Variants in TBC1D14 observed in about 807,000 individuals in gnomAD.
TBC1D14 encodes the protein TBC1 domain family, member 14.
Under a neutral mutation model 79.0 loss-of-function variants are expected in TBC1D14, and 26 were observed. The ratio of observed to expected loss-of-function variants is 0.33; its 90% CI spans 0.24 to 0.46. The LOEUF (loss-of-function observed/expected upper bound fraction) is 0.46, where lower values mean the gene tolerates loss of function less well. Among genes scored for constraint, TBC1D14 ranks in the 20% least tolerant of loss-of-function variants. TBC1D14 has a pLI of 1.00. For synonymous variants in TBC1D14, 394 were observed against 349.9 expected (o/e 1.13, Z -1.40); for missense variants, 769 against 887.6 (o/e 0.87, Z 1.70).
intron 2 of TBC1D14, among the ~76,000 whole-genome samples, chr4:6,945,362 A>G (rs906422990): frequency 3.9e-5 from 6 of 152,032 alleles, no homozygotes; most frequent in Non-Finnish European, 1.5e-5. Flanking sequence ...TTCTTGAGTG[A>G]GTAGAAATGT....
intron 3 of TBC1D14, among the ~76,000 whole-genome samples, chr4:6,972,357 A>C (rs1265561686): frequency 1.3e-5 from 2 of 152,230 alleles, no homozygotes; most frequent in South Asian, 2.1e-4. Flanking sequence ...AGTGACTGTC[A>C]GCCGCCGGCC....
intron 3 of TBC1D14, among the ~76,000 whole-genome samples, chr4:6,968,067 C>G (rs1487402355): frequency 1.3e-5 from 2 of 152,214 alleles, no homozygotes; most frequent in African/African-American, 2.4e-5. Context: ...TTCTCTTAGG[C>G]TGTGGGTCTC....
At chr4:7,020,997 G>A (rs1721773425) in intron 12 of TBC1D14, among the ~76,000 whole-genome samples, 1 of 152,228 alleles carries the variant, frequency 6.6e-6, no homozygotes, top group South Asian at 2.1e-4. Flanking sequence ...TCTGTTGTGT[G>A]CAGCCCGGGG....
At chr4:6,942,386 TA>T (rs998635810) in intron 2 of TBC1D14, among the ~76,000 whole-genome samples, 12 of 152,196 alleles carry the variant, frequency 7.9e-5, no homozygotes, top group African/African-American at 2.7e-4. Flanking sequence ...TTGTTGTGAA[TA>T]GCTGTGGTTT....
chr4:7,014,304 C>T, intron 11 of TBC1D14, 144 bp from the exon 12 acceptor site: 1 of 589,080 alleles, frequency 1.7e-6, no homozygotes. Flanking sequence ...TGAATAGTAC[C>T]TACAATAAGT....
chr4:7,018,913 T>C (rs1721539444), intron 12 of TBC1D14, among the ~76,000 whole-genome samples: 1 of 152,232 alleles, frequency 6.6e-6, no homozygotes, highest in African/African-American at 2.4e-5. Context: ...ATAAATAATC[T>C]TGAGCTAACA....
intron 2 of TBC1D14, among the ~76,000 whole-genome samples, chr4:6,955,684 G>A (rs980139730): frequency 6.6e-6 from 1 of 152,028 alleles, no homozygotes; most frequent in Non-Finnish European, 1.5e-5. Context: ...GCAAACAGGC[G>A]TTGAAGTGTA....
intron 11 of TBC1D14, among the ~76,000 whole-genome samples, chr4:7,011,325 G>T (rs1372661688): frequency 7.1e-6 from 1 of 141,328 alleles, no homozygotes; most frequent in East Asian, 2.2e-4. Flanking sequence ...GGCGGTGACA[G>T]TGGGGGGTGG....
chr4:6,929,682 A>C (rs1364070486), intron 2 of TBC1D14, among the ~76,000 whole-genome samples: 3 of 152,208 alleles, frequency 2.0e-5, no homozygotes, highest in Non-Finnish European at 4.4e-5. Flanking sequence ...GACGACATTT[A>C]GTCTCAAGAC....
At chr4:7,027,231 G>C (rs1024406064) in intron 13 of TBC1D14, among the ~76,000 whole-genome samples, 1 of 151,538 alleles carries the variant, frequency 6.6e-6, no homozygotes, top group African/African-American at 2.4e-5. Flanking sequence ...CAAAAAAGCA[G>C]GTCATTTGTC....
At chr4:6,989,704 C>G (rs1386785359) in intron 3 of TBC1D14, among the ~76,000 whole-genome samples, 2 of 152,172 alleles carry the variant, frequency 1.3e-5, no homozygotes, top group African/African-American at 4.8e-5. Flanking sequence ...TTAGTTTCCT[C>G]TTTTCCACAT....
At chr4:6,989,427 A>G (rs1718255786) in intron 3 of TBC1D14, among the ~76,000 whole-genome samples, 1 of 152,190 alleles carries the variant, frequency 6.6e-6, no homozygotes, top group African/African-American at 2.4e-5. Flanking sequence ...TTCTGCTGTC[A>G]GAGTGCCTCT....
rs565280145 is a variant in TBC1D14, at chr4:7,010,968, C to T, written c.1647+187C>T. Among the ~76,000 whole-genome samples the T allele has an allele frequency of 3.9e-5, 6 of 152,278 alleles. 1 individual carries two copies. The highest frequency in any genetic ancestry group is 4.2e-4 in the South Asian group (2 of 4,818). Reference sequence around the variant, plus strand: ...TATTGCATGGAAGCTGAAAAAGACACGGTTAGTAGCCGTATGTCTGGGTTT... The same window carrying T: ...TATTGCATGGAAGCTGAAAAAGACATGGTTAGTAGCCGTATGTCTGGGTTT... On this transcript the variant is annotated intron_variant, in intron 11 of 13. Transcript: ENST00000409757.
chr4:6,914,891 T>G (rs1179690534), intron 1 of TBC1D14, among the ~76,000 whole-genome samples: 2 of 152,124 alleles, frequency 1.3e-5, no homozygotes, highest in East Asian at 3.9e-4. Flanking sequence ...ATACAAAAAT[T>G]AGCCGGGCGT....
Position 7,010,648 on chromosome 4 carries a change from C to T in TBC1D14, c.1519-5C>T. 1 of 1,611,094 alleles carries T rather than the reference C, an allele frequency of 6.2e-7. No individual in the cohort carries two copies. The highest frequency in any genetic ancestry group is 8.5e-7 in the Non-Finnish European group (1 of 1,178,982). On this transcript the variant is annotated splice_region_variant and splice_polypyrimidine_tract_variant and intron_variant, in intron 10 of 13. Transcript: ENST00000409757. ...ATTTTAACGTGCCTTTCTCTCCTCTCTCAGGTCCAGGGCATGTCCTTCATA... is the reference window on the plus strand; with the variant it reads ...ATTTTAACGTGCCTTTCTCTCCTCTTTCAGGTCCAGGGCATGTCCTTCATA...
At chr4:6,943,002 A>C (rs1713054925) in intron 2 of TBC1D14, among the ~76,000 whole-genome samples, 1 of 152,234 alleles carries the variant, frequency 6.6e-6, no homozygotes, top group South Asian at 2.1e-4. Context: ...AACTTGAAAT[A>C]TACATAAAGC....
At chr4:6,996,254 G>A (rs1190392597) in intron 4 of TBC1D14, 71 bp from the exon 5 acceptor site, 1 of 1,252,420 alleles carries the variant, frequency 8.0e-7, no homozygotes, top group Non-Finnish European at 1.2e-6. Flanking sequence ...AGGAAATTAT[G>A]CTTCAGGTTT....
At chr4:6,910,297 C>T (rs1439207846) in intron 1 of TBC1D14, 1 of 152,320 alleles carries the variant, frequency 6.6e-6, no homozygotes, top group African/African-American at 2.4e-5. Context: ...GAAGAGGCGC[C>T]TCGGTGCGCC....
intron 2 of TBC1D14, among the ~76,000 whole-genome samples, chr4:6,926,614 G>GGGC (rs1370280006): frequency 3.3e-5 from 5 of 152,188 alleles, no homozygotes; most frequent in African/African-American, 1.2e-4. Context: ...GTGATGACAT[G>GGGC]GGCAGAGTCT....
Sources: gnomAD v4.1 joint callset for allele counts (sites outside exome capture counted in the v4.1 genomes callset) on GRCh38, gnomAD v4.1.1 for gene constraint, MANE v1.5 for transcripts, NCBI Gene and HGNC (gene_info 2026-07-23, HGNC 2026-07-21) for gene names.